EYS: variants seen among roughly 807,000 people sequenced by gnomAD.
The protein encoded by EYS is protein eyes shut homolog.
In EYS, 250 loss-of-function variants were observed where a neutral mutation model predicts 282.1. The ratio of observed to expected loss-of-function variants is 0.89; its 90% CI spans 0.80 to 0.98. The LOEUF (loss-of-function observed/expected upper bound fraction) is 0.98. EYS is among the 50% of genes least tolerant of loss of function. The pLI is 0.00. For missense variants in EYS, 4,016 were observed against 3,709.0 expected, an observed-to-expected ratio of 1.08 and a Z score of -2.15; for synonymous variants, 1,355 against 1,282.9, an observed-to-expected ratio of 1.06 and a Z score of -1.20.
intron 14 of EYS, among the ~76,000 whole-genome samples, chr6:64,976,618 G>T (rs1770482791): frequency 6.6e-6 from 1 of 151,826 alleles, no homozygotes; most frequent in Admixed American, 6.6e-5. Context: ...ACCTTGAAAT[G>T]CTCCACCTAC....
intron 2 of EYS, among the ~76,000 whole-genome samples, chr6:65,560,743 A>G (rs943203636): frequency 6.6e-6 from 1 of 152,112 alleles, no homozygotes; most frequent in Admixed American, 6.6e-5. Context: ...AATATAATGA[A>G]TATACAAAGT....
At chr6:65,169,081 ATGTACT>A (rs1281857700) in intron 12 of EYS, among the ~76,000 whole-genome samples, 3 of 151,478 alleles carry the variant, frequency 2.0e-5, no homozygotes, top group Admixed American at 1.3e-4. Context: ...TTATGTACTA[ATGTACT>A]TGTATTGTTA....
At chr6:63,846,936 AT>A (rs555834731) in intron 36 of EYS, among the ~76,000 whole-genome samples, 3 of 152,002 alleles carry the variant, frequency 2.0e-5, no homozygotes, top group East Asian at 3.8e-4. Context: ...TCTAAAATTT[AT>A]TTTTTTTAAT....
Position 65,512,849 on chromosome 6 carries a change from A to T in EYS, c.-332-16856T>A, listed in dbSNP as rs536346792. On this transcript the variant is annotated intron_variant, in intron 2 of 42. Coordinates refer to ENST00000503581, the MANE Select transcript of EYS (RefSeq NM_001142800.2). ...ACAAGAGAAAGCAGGAAAGATCCAA[A>T]ATTGACACCCTAACATCATAATTAA... Among the ~76,000 whole-genome samples, 550 of 152,316 alleles carry T rather than the reference A, an allele frequency of 3.6e-3. 2 individuals carry two copies. The highest frequency in any genetic ancestry group is 0.012 in the African/African-American group (509 of 41,574).
intron 35 of EYS, among the ~76,000 whole-genome samples, chr6:63,943,987 A>C (rs551395482): frequency 6.6e-6 from 1 of 152,342 alleles, no homozygotes; most frequent in African/African-American, 2.4e-5. Flanking sequence ...TCTAGTTGGA[A>C]TGCCAACAGC....
chr6:63,749,457 T>G (rs1233630699), intron 41 of EYS, among the ~76,000 whole-genome samples: 1 of 152,130 alleles, frequency 6.6e-6, no homozygotes, highest in East Asian at 1.9e-4. Flanking sequence ...AATGTATATT[T>G]TGTTGTTTTT....
intron 23 of EYS, among the ~76,000 whole-genome samples, chr6:64,620,108 T>C (rs369399095): frequency 6.6e-6 from 1 of 152,044 alleles, no homozygotes; most frequent in African/African-American, 2.4e-5. Flanking sequence ...ACCTGAATAA[T>C]GGAATTAGAT....
At chr6:63,834,777 C>T (rs1037977743) in intron 36 of EYS, among the ~76,000 whole-genome samples, 7 of 151,878 alleles carry the variant, frequency 4.6e-5, no homozygotes, top group African/African-American at 1.7e-4. Context: ...GCACTATTCA[C>T]AATAGCAAAG....
At chr6:63,928,549 T>C (rs1036511885) in intron 35 of EYS, among the ~76,000 whole-genome samples, 17 of 140,776 alleles carry the variant, frequency 1.2e-4, no homozygotes, top group South Asian at 2.3e-4. Context: ...TGTGTGTGTG[T>C]GTGCGTGTGC....
chr6:64,997,631 C>T lies in EYS; in HGVS notation c.2210G>A (p.Cys737Tyr). The T allele has an allele frequency of 2.6e-6, 4 of 1,551,104 alleles. No individual in the cohort carries two copies. The highest frequency in any genetic ancestry group is 3.5e-6 in the Non-Finnish European group (4 of 1,146,492). Residue 737 changes from cysteine to tyrosine, a missense_variant, in exon 14 of 43, where the codon TGC (cysteine) becomes TAC (tyrosine). By Grantham distance (194) the Cys-to-Tyr change is radical. Transcript: ENST00000503581. Reference sequence around the variant, plus strand: ...ATTGTGCTCACAGGCATTCAGGATGCAGTCATCAATGTCCTGTTCACATCT... The same window carrying T: ...ATTGTGCTCACAGGCATTCAGGATGTAGTCATCAATGTCCTGTTCACATCT... ...GIRCEQDIDD[C>Y]ILNACEHNST...
chr6:64,887,269 G>A (rs13198242), intron 18 of EYS, among the ~76,000 whole-genome samples: 1,983 of 132,778 alleles, frequency 0.015, 29 homozygotes, highest in Middle Eastern at 0.048. Flanking sequence ...ATCACACACC[G>A]GGGACTGTTG....
intron 33 of EYS, among the ~76,000 whole-genome samples, chr6:64,034,846 A>G (rs116785753): frequency 1.2e-3 from 188 of 152,338 alleles, no homozygotes; most frequent in African/African-American, 3.5e-3. Flanking sequence ...ACTAAAGGAA[A>G]AAAAAAGAGT....
chr6:65,438,436 T>C (rs1222186487), intron 5 of EYS, among the ~76,000 whole-genome samples: 5 of 152,190 alleles, frequency 3.3e-5, no homozygotes, highest in Non-Finnish European at 7.4e-5. Flanking sequence ...CGCCATACTG[T>C]CTTCTACAAT....
At chr6:64,265,099 C>CTTTA (rs5876890) in intron 30 of EYS, among the ~76,000 whole-genome samples, 86,855 of 151,644 alleles carry the variant, frequency 0.57, 26,177 homozygotes, top group Non-Finnish European at 0.67. Context: ...ATGTTTACCC[C>CTTTA]CAAAATTTAA....
At chr6:63,891,049 A>T (rs1773393992) in intron 35 of EYS, among the ~76,000 whole-genome samples, 1 of 152,236 alleles carries the variant, frequency 6.6e-6, no homozygotes, top group Non-Finnish European at 1.5e-5. Context: ...AAGAAGTCAA[A>T]TCCCTGAATA....
chr6:64,151,358 T>C (rs1774723458), intron 31 of EYS, among the ~76,000 whole-genome samples: 1 of 119,982 alleles, frequency 8.3e-6, no homozygotes, highest in African/African-American at 3.9e-5. Flanking sequence ...TATATATATA[T>C]ATATAATTTT....
chr6:63,809,204 G>A (rs1770979134), intron 36 of EYS, among the ~76,000 whole-genome samples: 1 of 152,184 alleles, frequency 6.6e-6, no homozygotes, highest in South Asian at 2.1e-4. Flanking sequence ...CACCCACACT[G>A]TCTCTATAAC....
chr6:65,481,710 G>A (rs138663875), intron 5 of EYS, among the ~76,000 whole-genome samples: 1,674 of 152,020 alleles, frequency 0.011, 29 homozygotes, highest in African/African-American at 0.038. Flanking sequence ...CACCACGCTC[G>A]GCTAATTTTT....
intron 14 of EYS, among the ~76,000 whole-genome samples, chr6:64,994,075 C>T (rs9345581): frequency 0.35 from 53,081 of 151,574 alleles, 11,376 homozygotes; most frequent in Admixed American, 0.49. Context: ...TTAATTTGAT[C>T]ATACATATTT....
Sources: allele counts gnomAD v4.1 joint callset (sites outside exome capture counted in the v4.1 genomes callset), GRCh38; gene constraint gnomAD v4.1.1; transcripts MANE v1.5; gene names NCBI Gene and HGNC (gene_info 2026-07-23, HGNC 2026-07-21).